EIF4EBP1: variants seen among roughly 807,000 people sequenced by gnomAD.
EIF4EBP1 encodes eukaryotic translation initiation factor 4E-binding protein 1.
A neutral mutation model predicts 9.2 loss-of-function variants in EIF4EBP1; 5 were observed. The ratio of observed to expected loss-of-function variants is 0.54; its 90% CI spans 0.28 to 1.14. The LOEUF is 1.14. Among genes scored for constraint, EIF4EBP1 ranks in the 50% most tolerant of loss-of-function variants. The pLI, the probability that EIF4EBP1 is intolerant of heterozygous loss-of-function variation, is 0.09. For synonymous variants in EIF4EBP1, 62 were observed against 67.0 expected (o/e 0.93, Z 0.36); for missense variants, 139 against 169.6 (o/e 0.82, Z 1.00).
chr8:38,050,268 A>G lies in EIF4EBP1; in HGVS notation c.146-6813A>G, dbSNP rs919497782. Reference sequence around the variant, plus strand: ...CTTTATTACCTGTTTCCTCCTGTTGATTTGCTTAGATCTCGCCTTAAATGC... The same window carrying G: ...CTTTATTACCTGTTTCCTCCTGTTGGTTTGCTTAGATCTCGCCTTAAATGC... On this transcript the variant is annotated intron_variant, in intron 1 of 2. Coordinates refer to ENST00000338825, the MANE Select transcript of EIF4EBP1 (RefSeq NM_004095.4). Among the ~76,000 whole-genome samples, 3 of 151,780 alleles carry G rather than the reference A, an allele frequency of 2.0e-5. No individual in the cohort carries two copies. In the South Asian group the frequency reaches 6.2e-4, roughly 32 times the overall value.
intron 1 of EIF4EBP1, among the ~76,000 whole-genome samples, chr8:38,040,061 A>G (rs1809356163): frequency 6.6e-6 from 1 of 151,410 alleles, no homozygotes. Context: ...GCTAATTTTT[A>G]TTTTTTGTAG....
chr8:38,035,648 C>T (rs1378007560), intron 1 of EIF4EBP1, among the ~76,000 whole-genome samples: 2 of 152,006 alleles, frequency 1.3e-5, no homozygotes, highest in South Asian at 2.1e-4. Context: ...AGGAGAATCC[C>T]GGGTAGCTGG....
chr8:38,050,411 C>T (rs1450921668), intron 1 of EIF4EBP1, among the ~76,000 whole-genome samples: 4 of 152,110 alleles, frequency 2.6e-5, no homozygotes, highest in Non-Finnish European at 4.4e-5. Context: ...TATAGTGGTG[C>T]AGTCTTAGCT....
intron 1 of EIF4EBP1, among the ~76,000 whole-genome samples, chr8:38,051,077 G>A (rs1248048079): frequency 6.6e-6 from 1 of 152,028 alleles, no homozygotes; most frequent in African/African-American, 2.4e-5. Context: ...TAAACCTCAG[G>A]GCAGCTGCTA....
At chr8:38,042,925 C>A (rs1399963983) in intron 1 of EIF4EBP1, among the ~76,000 whole-genome samples, 1 of 152,020 alleles carries the variant, frequency 6.6e-6, no homozygotes, top group Non-Finnish European at 1.5e-5. Flanking sequence ...ATTACCCAGG[C>A]GTGGTGGCAG....
At chr8:38,041,650 T>C (rs1239715093) in intron 1 of EIF4EBP1, among the ~76,000 whole-genome samples, 1 of 152,174 alleles carries the variant, frequency 6.6e-6, no homozygotes, top group Non-Finnish European at 1.5e-5. Flanking sequence ...TACTGACTCA[T>C]AGATCCCATA....
At chr8:38,045,917 T>G (rs570007848) in intron 1 of EIF4EBP1, among the ~76,000 whole-genome samples, 4,994 of 151,944 alleles carry the variant, frequency 0.033, 122 homozygotes, top group Admixed American at 0.078. Flanking sequence ...TTTTTTTTTG[T>G]TTGTTTGAGA....
intron 1 of EIF4EBP1, among the ~76,000 whole-genome samples, chr8:38,050,394 A>T (rs1205886738): frequency 1.3e-5 from 2 of 151,916 alleles, no homozygotes; most frequent in Non-Finnish European, 2.9e-5. Flanking sequence ...TGTCAATCAA[A>T]CTGGAGTATA....
rs752908938 is a variant in EIF4EBP1, at chr8:38,059,904, G to T, written c.326G>T (p.Gly109Val). The change falls in exon 3 of 3, where the codon GGT becomes GTT. Residue 109 changes from glycine to valine, a missense_variant and splice_region_variant. Gly to Val is a moderately radical substitution (Grantham distance 109). Transcript: ENST00000338825. ...RNSPEDKRAGGEESQFEMDI is the reference protein window; with the variant it reads ...RNSPEDKRAGVEESQFEMDI The stretch of plus-strand genomic sequence containing the variant: ...GGCCCTCTGTCCCCTCTCTCCCCAG[G>T]TGAAGAGTCACAGTTTGAGATGGAC... 4 of 1,430,990 alleles carry T rather than the reference G, an allele frequency of 2.8e-6. No individual in the cohort carries two copies. In the Admixed American group the frequency reaches 6.9e-5, roughly 25 times the overall value. 88.6% of individuals were successfully genotyped at this position (1,430,990 alleles called of 1,614,324 possible).
At chr8:38,034,868 A>AT (rs1321208292) in intron 1 of EIF4EBP1, among the ~76,000 whole-genome samples, 1 of 152,160 alleles carries the variant, frequency 6.6e-6, no homozygotes, top group African/African-American at 2.4e-5. Flanking sequence ...GAGGGAAGAA[A>AT]TTATTAAGGA....
intron 1 of EIF4EBP1, among the ~76,000 whole-genome samples, chr8:38,046,272 AC>A (rs1242333113): frequency 6.6e-6 from 1 of 150,906 alleles, no homozygotes; most frequent in African/African-American, 2.4e-5. Context: ...CTGGTCTTGA[AC>A]CCCCCCATTG....
In EIF4EBP1 at chr8:38,030,697, C is replaced by G. The variant is rs759444345; in HGVS notation, c.124C>G (p.Leu42Val). ...CTACAGCACGACCCCCGGCGGCACG[C>G]TCTTCAGCACCACCCCGGGAGGTAG... ...GDYSTTPGGT[L>V]FSTTPGGTRI... Residue 42 changes from leucine to valine, a missense_variant, in exon 1 of 3, where the codon CTC (leucine) becomes GTC (valine). By Grantham distance (32) the Leu-to-Val change is conservative (BLOSUM62 1). Transcript: ENST00000338825. The G allele has an allele frequency of 1.4e-6, 2 of 1,458,376 alleles. No homozygotes were observed. Among genetic ancestry groups the G allele is most frequent in the African/African-American group, 2.9e-5 (2 of 67,918 alleles). The allele number at this position is 1,458,376 out of a possible 1,614,324, so 90.3% of individuals were successfully genotyped here. A position where few individuals can be genotyped will look rare whatever the true frequency, so the allele number is the denominator to read the frequency against.
chr8:38,057,399 C>A, intron 2 of EIF4EBP1, 139 bp downstream of exon 2: 1 of 1,083,030 alleles, frequency 9.2e-7, no homozygotes, highest in Non-Finnish European at 1.3e-6. Flanking sequence ...GCTCAGAGCC[C>A]AGAGGGTGAG....
intron 1 of EIF4EBP1, among the ~76,000 whole-genome samples, chr8:38,033,388 A>G (rs1809253221): frequency 6.6e-6 from 1 of 151,692 alleles, no homozygotes. Flanking sequence ...ATTTCTAACT[A>G]GCTCTGACTG....
chr8:38,034,494 C>T (rs1206652929), intron 1 of EIF4EBP1, among the ~76,000 whole-genome samples: 1 of 152,112 alleles, frequency 6.6e-6, no homozygotes, highest in African/African-American at 2.4e-5. Context: ...AAATATCCAG[C>T]GACACCATAA....
intron 1 of EIF4EBP1, among the ~76,000 whole-genome samples, chr8:38,053,842 A>G (rs1809556598): frequency 6.6e-6 from 1 of 152,180 alleles, no homozygotes; most frequent in Non-Finnish European, 1.5e-5. Context: ...TAAGATACCT[A>G]GAGTAGTCAA....
At chr8:38,038,728 A>G (rs1307909882) in intron 1 of EIF4EBP1, among the ~76,000 whole-genome samples, 1 of 151,600 alleles carries the variant, frequency 6.6e-6, no homozygotes, top group Non-Finnish European at 1.5e-5. Context: ...TACGAGGTAC[A>G]TGCTCTCGAG....
In EIF4EBP1 at chr8:38,047,775, G is replaced by A. The variant is rs189428684; in HGVS notation, c.146-9306G>A. On this transcript the variant is annotated intron_variant, in intron 1 of 2. Transcript: ENST00000338825. ...ACTGAGATTACAGGCATGAGCCACTGCGCCCAGCCTGAATCACTTTTTTGA... is the reference window on the plus strand; with the variant it reads ...ACTGAGATTACAGGCATGAGCCACTACGCCCAGCCTGAATCACTTTTTTGA... 2.7e-3 allele frequency among the ~76,000 whole-genome samples: 417 copies of A among 152,300 alleles called. 1 individual carries two copies. The highest frequency in any genetic ancestry group is 6.8e-3 in the Middle Eastern group (2 of 294).
intron 1 of EIF4EBP1, among the ~76,000 whole-genome samples, chr8:38,034,246 A>G (rs1489750950): frequency 6.6e-6 from 1 of 151,726 alleles, no homozygotes; most frequent in Non-Finnish European, 1.5e-5. Flanking sequence ...CAGGGTCTCT[A>G]TGTATTACCC....
Sources: gnomAD v4.1 joint callset for allele counts (sites outside exome capture counted in the v4.1 genomes callset) on GRCh38, gnomAD v4.1.1 for gene constraint, MANE v1.5 for transcripts, NCBI Gene and HGNC (gene_info 2026-07-23, HGNC 2026-07-21) for gene names.